Variants in PTGFR observed in about 807,000 individuals in gnomAD.
PTGFR encodes prostaglandin F2-alpha receptor.
Under a neutral mutation model 26.2 loss-of-function variants are expected in PTGFR, and 15 were observed. The observed-to-expected ratio is 0.57, with a 90% CI of 0.38 to 0.88. The LOEUF (loss-of-function observed/expected upper bound fraction) is 0.88. Among genes scored for constraint, PTGFR ranks in the 40% least tolerant of loss-of-function variants. PTGFR has a pLI of 0.00. For missense variants in PTGFR, 369 were observed against 427.2 expected, an observed-to-expected ratio of 0.86 and a Z score of 1.20; for synonymous variants, 165 against 151.1, an observed-to-expected ratio of 1.09 and a Z score of -0.68.
intron 2 of PTGFR, among the ~76,000 whole-genome samples, chr1:78,509,700 A>T (rs116813074): frequency 5.9e-5 from 9 of 152,334 alleles, no homozygotes; most frequent in Non-Finnish European, 8.8e-5. Context: ...TTTCCATTGC[A>T]TGCTATTGAC....
intron 2 of PTGFR, 34 bp from the exon 3 acceptor site, chr1:78,536,372 C>T (rs1035635650): frequency 1.4e-5 from 22 of 1,573,152 alleles, no homozygotes; most frequent in Non-Finnish European, 1.6e-5. Flanking sequence ...GAAAAGGCTG[C>T]ATCAACTAAT....
chr1:78,527,529 G>A (rs1292969703), intron 2 of PTGFR, among the ~76,000 whole-genome samples: 1 of 152,004 alleles, frequency 6.6e-6, no homozygotes, highest in African/African-American at 2.4e-5. Context: ...ATACATTGGT[G>A]ACATACTTAT....
rs565386585 is a variant in PTGFR at position 78,526,436 on chromosome 1, G to A, written c.799-9970G>A. 4.9e-4 allele frequency among the ~76,000 whole-genome samples: 74 copies of A among 152,122 alleles called. 1 individual carries two copies. The South Asian group carries it at 0.015, about 30-fold the overall frequency. ...GCAGGGAATGGCTGAAATGTGAGGTGTAAATTGACAGAGTAGAGAGAACCT... is the reference window on the plus strand; with the variant it reads ...GCAGGGAATGGCTGAAATGTGAGGTATAAATTGACAGAGTAGAGAGAACCT... On this transcript the variant is annotated intron_variant, in intron 2 of 2. Transcript: ENST00000370757.
chr1:78,513,930 C>G lies in PTGFR; in HGVS notation c.798+20389C>G, dbSNP rs11162502. ...TTAGCATCTTCCGTATGGTGTTAAG[C>G]CTGTAGGCACACAGAATGCAAAAGT... On this transcript the variant is annotated intron_variant, in intron 2 of 2. Coordinates refer to ENST00000370757, the MANE Select transcript of PTGFR (RefSeq NM_000959.4). 3.6e-3 allele frequency among the ~76,000 whole-genome samples: 551 copies of G among 152,344 alleles called. 2 individuals carry two copies. The highest frequency in any genetic ancestry group is 0.012 in the African/African-American group (503 of 41,582).
Position 78,493,273 on chromosome 1 carries a change from A to G in PTGFR, c.530A>G (p.Tyr177Cys). The G allele has an allele frequency of 1.2e-6, 2 of 1,614,208 alleles. No individual in the cohort carries two copies. The highest frequency in any genetic ancestry group is 1.7e-6 in the Non-Finnish European group (2 of 1,180,008). The change falls in exon 2 of 3, where the codon TAT (tyrosine) becomes TGT (cysteine). Residue 177 changes from tyrosine to cysteine, a missense_variant. Transcript: ENST00000370757. ...CTGCCCATCCTTGGACATCGAGACT[A>G]TAAAATTCAGGCGTCGAGGACCTGG... ...ALLPILGHRD[Y>C]KIQASRTWCF...
At chr1:78,512,751 T>C (rs1347496997) in intron 2 of PTGFR, among the ~76,000 whole-genome samples, 1 of 152,162 alleles carries the variant, frequency 6.6e-6, no homozygotes, top group Non-Finnish European at 1.5e-5. Flanking sequence ...AGGTGGGGCC[T>C]GGTGAGAGGT....
intron 2 of PTGFR, among the ~76,000 whole-genome samples, chr1:78,532,790 A>G (rs1650554476): frequency 6.6e-6 from 1 of 152,040 alleles, no homozygotes; most frequent in Non-Finnish European, 1.5e-5. Context: ...GTATATATGT[A>G]TATTTATATA....
chr1:78,513,673 T>C (rs1226754413), intron 2 of PTGFR, among the ~76,000 whole-genome samples: 1 of 152,224 alleles, frequency 6.6e-6, no homozygotes, highest in Non-Finnish European at 1.5e-5. Flanking sequence ...TCTAGAGATA[T>C]TAGCGTGACT....
rs142127234 is a variant in PTGFR, at chr1:78,496,839, T to C, written c.798+3298T>C. Among the ~76,000 whole-genome samples the C allele has an allele frequency of 9.8e-3, 1,495 of 152,246 alleles. 31 individuals carry two copies. The highest frequency in any genetic ancestry group is 0.034 in the African/African-American group (1,420 of 41,532). On this transcript the variant is annotated intron_variant, in intron 2 of 2. Coordinates refer to ENST00000370757, the MANE Select transcript of PTGFR (RefSeq NM_000959.4). ...ACTTTTCTGAGTAGTTTTGGGTCTA[T>C]AGAAAAATGAATAGAAAGTAGAGAG... is the stretch of plus-strand genomic sequence containing the variant.
intron 2 of PTGFR, among the ~76,000 whole-genome samples, chr1:78,499,564 C>G (rs1197404895): frequency 6.6e-6 from 1 of 152,186 alleles, no homozygotes; most frequent in Non-Finnish European, 1.5e-5. Context: ...GAGGTCAGGA[C>G]CTGGTTGATA....
chr1:78,497,786 C>G (rs1172759870), intron 2 of PTGFR: 2 of 873,552 alleles, frequency 2.3e-6, no homozygotes, highest in Non-Finnish European at 3.7e-6. Context: ...TAATCTGTTC[C>G]CTAATCACCA....
chr1:78,533,495 A>G (rs1336697340), intron 2 of PTGFR, among the ~76,000 whole-genome samples: 3 of 152,154 alleles, frequency 2.0e-5, no homozygotes, highest in South Asian at 2.1e-4. Context: ...AATGGAGCCC[A>G]TTGTTTCCTT....
chr1:78,515,636 A>C (rs1001423694), intron 2 of PTGFR, among the ~76,000 whole-genome samples: 1 of 152,212 alleles, frequency 6.6e-6, no homozygotes, highest in African/African-American at 2.4e-5. Flanking sequence ...TTATTTACAC[A>C]TGTAATATTC....
chr1:78,529,824 C>T (rs1275932443), intron 2 of PTGFR, among the ~76,000 whole-genome samples: 2 of 152,180 alleles, frequency 1.3e-5, no homozygotes, highest in Non-Finnish European at 2.9e-5. Context: ...ACATTACCAC[C>T]TGAGTTCTGC....
rs1396101717 is a variant in PTGFR, at chr1:78,537,654, TTTC to T, written c.*973_*975del. 3.9e-5 allele frequency: 6 copies of T among 152,114 alleles called. No individual in the cohort carries two copies. Among genetic ancestry groups the T allele is most frequent in the African/African-American group, 1.4e-4 (6 of 41,448 alleles). The allele number at this position is 152,114 out of a possible 1,614,324, so 9.4% of individuals were successfully genotyped here. A position where few individuals can be genotyped will look rare whatever the true frequency, so the allele number is the denominator to read the frequency against. ...TCAAAGACTATCTGCAGCTAGTGTG[TTTC>T]TTCTTTACACACATATACACACAGA... On this transcript the variant is annotated 3_prime_UTR_variant, in exon 3 of 3. Coordinates refer to ENST00000370757, the MANE Select transcript of PTGFR (RefSeq NM_000959.4).
At chr1:78,513,022 T>C (rs1011951446) in intron 2 of PTGFR, among the ~76,000 whole-genome samples, 1 of 152,222 alleles carries the variant, frequency 6.6e-6, no homozygotes, top group African/African-American at 2.4e-5. Flanking sequence ...CTGTAGAACC[T>C]TGAGCTGAAA....
intron 2 of PTGFR, among the ~76,000 whole-genome samples, chr1:78,514,974 T>C (rs767219744): frequency 6.6e-6 from 1 of 152,118 alleles, no homozygotes; most frequent in Non-Finnish European, 1.5e-5. Flanking sequence ...GCCAGCGCCA[T>C]GCTTCCTGTA....
At chr1:78,517,695 T>A (rs1650122714) in intron 2 of PTGFR, among the ~76,000 whole-genome samples, 1 of 152,042 alleles carries the variant, frequency 6.6e-6, no homozygotes, top group Non-Finnish European at 1.5e-5. Context: ...CAGAAGAAGG[T>A]AGGAGTCAGA....
At chr1:78,528,462 T>A (rs931888184) in intron 2 of PTGFR, among the ~76,000 whole-genome samples, 1 of 152,074 alleles carries the variant, frequency 6.6e-6, no homozygotes, top group African/African-American at 2.4e-5. Flanking sequence ...GAAGTATATA[T>A]GGATTTTATC....
Sources: gnomAD v4.1 joint callset for allele counts (sites outside exome capture counted in the v4.1 genomes callset) on GRCh38, gnomAD v4.1.1 for gene constraint, MANE v1.5 for transcripts, NCBI Gene and HGNC (gene_info 2026-07-23, HGNC 2026-07-21) for gene names.